Variants in RGS7BP observed in about 807,000 individuals in gnomAD.
The protein encoded by RGS7BP is regulator of G protein signaling 7 binding protein, also known as regulator of G protein signaling 7-binding protein.
Under a neutral mutation model 31.3 loss-of-function variants are expected in RGS7BP, and 9 were observed. The observed-to-expected ratio is 0.29, with a 90% confidence interval of 0.17 to 0.50. The LOEUF is 0.50. Ranked by LOEUF, RGS7BP falls within the 20% of genes least tolerant of loss-of-function variation. The pLI is 0.98. For missense variants in RGS7BP, 274 were observed against 322.0 expected (o/e 0.85, Z 1.14); for synonymous variants, 115 against 120.1 (o/e 0.96, Z 0.28).
intron 4 of RGS7BP, among the ~76,000 whole-genome samples, chr5:64,596,766 T>A (rs910261167): frequency 6.6e-6 from 1 of 152,158 alleles, no homozygotes; most frequent in East Asian, 1.9e-4. Flanking sequence ...CCTTTTCCAA[T>A]CAATTATTAC....
chr5:64,550,238 C>T (rs1009835750), intron 2 of RGS7BP, among the ~76,000 whole-genome samples: 1 of 152,184 alleles, frequency 6.6e-6, no homozygotes, highest in Non-Finnish European at 1.5e-5. Context: ...ACAACAGACA[C>T]TGATTTTCTC....
At chr5:64,593,896 A>T (rs961042804) in intron 3 of RGS7BP, among the ~76,000 whole-genome samples, 1 of 152,166 alleles carries the variant, frequency 6.6e-6, no homozygotes, top group Non-Finnish European at 1.5e-5. Flanking sequence ...CAGATTTTCA[A>T]GAAAGAATAA....
chr5:64,564,221 C>G (rs1742118964), intron 2 of RGS7BP, among the ~76,000 whole-genome samples: 1 of 152,134 alleles, frequency 6.6e-6, no homozygotes, highest in Non-Finnish European at 1.5e-5. Context: ...CATGTTCTGC[C>G]TCACTCTGCC....
intron 2 of RGS7BP, among the ~76,000 whole-genome samples, chr5:64,530,216 T>C (rs970113420): frequency 6.6e-6 from 1 of 152,214 alleles, no homozygotes. Flanking sequence ...TTAACTGTAT[T>C]GCTCACATTG....
At chr5:64,571,432 T>C (rs558864725) in intron 2 of RGS7BP, among the ~76,000 whole-genome samples, 17 of 152,274 alleles carry the variant, frequency 1.1e-4, no homozygotes, top group Non-Finnish European at 2.2e-4. Context: ...CTTGGCCAAA[T>C]ACCTAGAAAT....
At chr5:64,516,174 GCAGCTGTAGATACA>G (rs1748969408) in intron 2 of RGS7BP, among the ~76,000 whole-genome samples, 1 of 152,152 alleles carries the variant, frequency 6.6e-6, no homozygotes, top group African/African-American at 2.4e-5. Context: ...TTTAACATTT[GCAGCTGTAGATACA>G]CAGTGAACTA....
chr5:64,541,714 G>A (rs1344012389), intron 2 of RGS7BP, among the ~76,000 whole-genome samples: 2 of 151,550 alleles, frequency 1.3e-5, no homozygotes, highest in Non-Finnish European at 2.9e-5. Flanking sequence ...ACAATTATTT[G>A]TTTATCACCT....
chr5:64,564,137 A>C (rs926418666), intron 2 of RGS7BP, among the ~76,000 whole-genome samples: 1 of 152,160 alleles, frequency 6.6e-6, no homozygotes, highest in African/African-American at 2.4e-5. Flanking sequence ...AATGACCTAG[A>C]AAAAACTTCA....
chr5:64,529,807 C>T (rs1749325462), intron 2 of RGS7BP, among the ~76,000 whole-genome samples: 1 of 152,190 alleles, frequency 6.6e-6, no homozygotes, highest in Non-Finnish European at 1.5e-5. Flanking sequence ...AGCTTCATGT[C>T]ATCTCCCATT....
chr5:64,578,848 C>A (rs754820815), intron 3 of RGS7BP, among the ~76,000 whole-genome samples: 45 of 152,214 alleles, frequency 3.0e-4, no homozygotes, highest in Non-Finnish European at 5.0e-4. Flanking sequence ...GAACTAACAG[C>A]ATTGATGTCC....
chr5:64,556,418 C>CAA (rs1741926625), intron 2 of RGS7BP, among the ~76,000 whole-genome samples: 1 of 12,720 alleles, frequency 7.9e-5, no homozygotes, highest in Non-Finnish European at 1.8e-4. Flanking sequence ...CTTCCCCAGC[C>CAA]ACACACACAC....
chr5:64,511,834 T>C (rs1399226384), intron 2 of RGS7BP, among the ~76,000 whole-genome samples: 1 of 152,226 alleles, frequency 6.6e-6, no homozygotes, highest in Non-Finnish European at 1.5e-5. Flanking sequence ...TTCCTTCATC[T>C]GTAAGGATGA....
intron 2 of RGS7BP, among the ~76,000 whole-genome samples, chr5:64,566,368 G>A (rs1742169054): frequency 6.6e-6 from 1 of 152,128 alleles, no homozygotes; most frequent in South Asian, 2.1e-4. Flanking sequence ...GTTAGGTGCA[G>A]AATAGACAGT....
At chr5:64,578,494 A>G (rs1175850174) in intron 3 of RGS7BP, among the ~76,000 whole-genome samples, 1 of 152,194 alleles carries the variant, frequency 6.6e-6, no homozygotes. Context: ...CAAATCTCTG[A>G]GGGCACTCCA....
rs902099738 is a variant in RGS7BP, at chr5:64,506,747, G to C, written c.123G>C (p.Glu41Asp). 3 of 1,605,942 alleles carry C rather than the reference G, an allele frequency of 1.9e-6. No homozygotes were observed. The highest frequency in any genetic ancestry group is 3.3e-5 in the Admixed American group (2 of 59,832). Residue 41 changes from glutamate (E) to aspartate (D), a missense_variant, in exon 1 of 6, where the codon GAG becomes GAC. By Grantham distance (45) the Glu-to-Asp change is conservative (BLOSUM62 2). Transcript: ENST00000334025. This position sits in a 1 kb window ranked among gnomAD's most constrained non-coding sequence, Gnocchi z 4.6. ...GGGAGCGCAGGGGCAGCGGCTCCGA[G>C]AGCGCCCACAAAACCCAACGAGCCC... is the stretch of plus-strand genomic sequence containing the variant. ...GDWERRGSGS[E>D]SAHKTQRALD...
At chr5:64,544,882 A>C (rs1464468917) in intron 2 of RGS7BP, among the ~76,000 whole-genome samples, 1 of 152,188 alleles carries the variant, frequency 6.6e-6, no homozygotes. Context: ...GACACATTAA[A>C]GAGTTGGCTT....
intron 2 of RGS7BP, among the ~76,000 whole-genome samples, chr5:64,535,410 GAATGAATGCT>G (rs953158329): frequency 3.3e-5 from 5 of 152,140 alleles, no homozygotes; most frequent in Non-Finnish European, 7.4e-5. Context: ...CTTGAAACAT[GAATGAATGCT>G]AAGGAGAGGA....
At chr5:64,567,589 G>A (rs558325502) in intron 2 of RGS7BP, among the ~76,000 whole-genome samples, 3 of 151,894 alleles carry the variant, frequency 2.0e-5, no homozygotes, top group African/African-American at 4.8e-5. Context: ...TTCAGACATC[G>A]GGATCAATTG....
At chr5:64,583,614 A>C (rs918581985) in intron 3 of RGS7BP, among the ~76,000 whole-genome samples, 8 of 152,320 alleles carry the variant, frequency 5.3e-5, no homozygotes, top group African/African-American at 1.9e-4. Flanking sequence ...ATGTAATAGA[A>C]AGTGACTGGG....
Sources: gnomAD v4.1 joint callset for allele counts (sites outside exome capture counted in the v4.1 genomes callset) on GRCh38, gnomAD v4.1.1 for gene constraint, Gnocchi (gnomAD v3.1) non-coding constraint, MANE v1.5 for transcripts, NCBI Gene and HGNC (gene_info 2026-07-23, HGNC 2026-07-21) for gene names.